Variants in SH2D6 observed in about 807,000 individuals in gnomAD.
SH2D6 encodes SH2 domain-containing protein 6.
In SH2D6, 31 loss-of-function variants were observed where a neutral mutation model predicts 30.2. The ratio of observed to expected loss-of-function variants is 1.03; its 90% CI spans 0.77 to 1.38. SH2D6 has a LOEUF of 1.38. SH2D6 is among the 40% of genes most tolerant of loss of function. SH2D6 has a pLI of 0.00. For missense variants in SH2D6, 240 were observed against 266.8 expected, an observed-to-expected ratio of 0.90 and a Z score of 0.70; for synonymous variants, 93 against 104.6, an observed-to-expected ratio of 0.89 and a Z score of 0.68.
chr2:85,425,779 C>T (rs1687992752), intron 6 of SH2D6, among the ~76,000 whole-genome samples: 2 of 152,084 alleles, frequency 1.3e-5, no homozygotes, highest in African/African-American at 2.4e-5. Flanking sequence ...TGATTTGGGC[C>T]CTGGGTGGTG....
At chr2:85,421,328 G>C (rs1687741826) in intron 2 of SH2D6, 1 of 152,284 alleles carries the variant, frequency 6.6e-6, no homozygotes. Flanking sequence ...CTGCGCTGGG[G>C]AAAAAGGTTT....
intron 5 of SH2D6, among the ~76,000 whole-genome samples, chr2:85,423,214 T>TTTTTGTTTTG (rs1169709330): frequency 6.7e-6 from 1 of 149,898 alleles, no homozygotes; most frequent in East Asian, 2.0e-4. Flanking sequence ...GTTGTTGTTG[T>TTTTTGTTTTG]TTTTGTTTTG....
intron 15 of SH2D6, 134 bp downstream of exon 15, chr2:85,433,255 C>G: frequency 1.6e-6 from 1 of 625,032 alleles, no homozygotes; most frequent in Non-Finnish European, 2.0e-6. Flanking sequence ...GGGCCCCTGC[C>G]CCTCAGCCAC....
Position 85,434,324 on chromosome 2 carries a change from G to A in SH2D6, c.534-16G>A, listed in dbSNP as rs148539986. ...ATAAAGACCCTGAGTTCTGTCCCCCGATTTGCTTCCCACAGGCCTACCACA... is the reference window on the plus strand; with the variant it reads ...ATAAAGACCCTGAGTTCTGTCCCCCAATTTGCTTCCCACAGGCCTACCACA... On this transcript the variant is annotated splice_polypyrimidine_tract_variant and intron_variant, in intron 17 of 23. Transcript: ENST00000469800. 7.5e-4 allele frequency: 1,158 copies of A among 1,541,908 alleles called. 2 individuals are homozygous for A. Among genetic ancestry groups the A allele is most frequent in the African/African-American group, 5.4e-3 (396 of 72,810 alleles).
rs747754782 is a variant in SH2D6 at position 85,435,685 on chromosome 2, G to A, written c.752G>A (p.Arg251His). 31 of 1,610,552 alleles carry A rather than the reference G, an allele frequency of 1.9e-5. No homozygotes were observed. Among genetic ancestry groups the A allele is most frequent in the Middle Eastern group, 1.7e-4 (1 of 6,014 alleles). ...HLQKDGAYTVRPSSGPHGSQP... is the reference protein window; with the variant it reads ...HLQKDGAYTVHPSSGPHGSQP... ...CCACAGGATGGGGCCTATACCGTGC[G>A]CCCCAGCTCAGGGCCTCATGGCTCC... Residue 251 changes from arginine to histidine, a missense_variant, in exon 22 of 24, where the codon CGC (arginine) becomes CAC (histidine). By Grantham distance (29) the Arg-to-His change is conservative (BLOSUM62 0). Transcript: ENST00000469800.
chr2:85,432,556 A>G (rs1171609841), intron 14 of SH2D6, among the ~76,000 whole-genome samples: 2 of 151,174 alleles, frequency 1.3e-5, no homozygotes, highest in Admixed American at 6.6e-5. Context: ...GCCCGCTACC[A>G]CGCCCGGCTA....
intron 2 of SH2D6, among the ~76,000 whole-genome samples, chr2:85,419,533 TG>T (rs1222761138): frequency 6.6e-6 from 1 of 152,236 alleles, no homozygotes; most frequent in Non-Finnish European, 1.5e-5. Context: ...TCTTCTCAGC[TG>T]ATTTCTGGCT....
chr2:85,423,819 G>T (rs1319920894), intron 5 of SH2D6, among the ~76,000 whole-genome samples: 1 of 152,238 alleles, frequency 6.6e-6, no homozygotes, highest in Non-Finnish European at 1.5e-5. Context: ...GCCCAGGACA[G>T]CCCCTTCCCT....
chr2:85,419,740 G>A (rs1687676395), intron 2 of SH2D6, among the ~76,000 whole-genome samples: 1 of 152,362 alleles, frequency 6.6e-6, no homozygotes, highest in African/African-American at 2.4e-5. Flanking sequence ...GACCTTGTAA[G>A]TCAGTGAGAT....
At position 85,435,972 on chromosome 2, in the gene SH2D6, C is replaced by G. The variant is rs1689410304; in HGVS notation, c.891+148C>G. The G allele has an allele frequency of 3.0e-5, 35 of 1,168,042 alleles. No homozygotes were observed. In the South Asian group the frequency reaches 5.5e-4, roughly 18 times the overall value. The allele number at this position is 1,168,042 out of a possible 1,614,324, so 72.4% of individuals were successfully genotyped here. ...CAGAGCCCAGAGCCCTGAACTCCTT[C>G]CAGACACCTGGCCCTCTGGTGGGGG... On this transcript the variant is annotated intron_variant, in intron 22 of 23. Coordinates refer to ENST00000469800, the MANE Select transcript of SH2D6 (RefSeq NM_001394463.1).
intron 19 of SH2D6, 196 bp downstream of exon 19, chr2:85,434,693 C>T (rs982340849): frequency 1.5e-6 from 2 of 1,367,444 alleles, no homozygotes; most frequent in Non-Finnish European, 1.9e-6. Context: ...GGGCCTGCCC[C>T]AGCCCCAGCC....
In SH2D6 at chr2:85,433,955, G is replaced by A. The variant is rs1388226343; in HGVS notation, c.455-78G>A. Reference sequence around the variant, plus strand: ...CAGAGAAGCAGCAGGCCCTGCAGCTGTTCTCAGCCCTGCCCTGGTCAGCAT... The same window carrying A: ...CAGAGAAGCAGCAGGCCCTGCAGCTATTCTCAGCCCTGCCCTGGTCAGCAT... On this transcript the variant is annotated intron_variant, in intron 16 of 23. Coordinates refer to ENST00000469800, the MANE Select transcript of SH2D6 (RefSeq NM_001394463.1). 7 of 1,262,768 alleles carry A rather than the reference G, an allele frequency of 5.5e-6. No individual in the cohort carries two copies. In the African/African-American group the frequency reaches 1.0e-4, roughly 19 times the overall value. The allele number at this position is 1,262,768 out of a possible 1,614,324, so 78.2% of individuals were successfully genotyped here. A position where few individuals can be genotyped will look rare whatever the true frequency, so the allele number is the denominator to read the frequency against.
chr2:85,425,969 T>C (rs1043803503), intron 6 of SH2D6, among the ~76,000 whole-genome samples: 1 of 152,156 alleles, frequency 6.6e-6, no homozygotes, highest in Non-Finnish European at 1.5e-5. Context: ...GCTTCTGCAA[T>C]TGGAAACGAG....
intron 17 of SH2D6, 24 bp downstream of exon 17, chr2:85,434,135 C>T: frequency 6.5e-7 from 1 of 1,548,650 alleles, no homozygotes. Flanking sequence ...CAGGTGTGCA[C>T]CTGTGTGTAT....
At chr2:85,426,039 C>T (rs1422296965) in intron 6 of SH2D6, among the ~76,000 whole-genome samples, 1 of 152,292 alleles carries the variant, frequency 6.6e-6, no homozygotes, top group Non-Finnish European at 1.5e-5. Flanking sequence ...AAAAGGATGG[C>T]AGATGTCCCC....
chr2:85,425,620 C>G (rs1687979410), intron 6 of SH2D6, among the ~76,000 whole-genome samples: 1 of 152,150 alleles, frequency 6.6e-6, no homozygotes, highest in South Asian at 2.1e-4. Flanking sequence ...CTAGTTTAAG[C>G]TGGAAAATAA....
intron 6 of SH2D6, among the ~76,000 whole-genome samples, chr2:85,427,810 G>A (rs1316102256): frequency 2.6e-5 from 4 of 152,124 alleles, no homozygotes; most frequent in Non-Finnish European, 5.9e-5. Context: ...TGGGCTCCCT[G>A]TGAAGCCACC....
chr2:85,424,451 T>C (rs1687890757), intron 5 of SH2D6, among the ~76,000 whole-genome samples: 1 of 152,172 alleles, frequency 6.6e-6, no homozygotes, highest in African/African-American at 2.4e-5. Context: ...TTTTTTTAAA[T>C]TATAAAAATA....
intron 2 of SH2D6, among the ~76,000 whole-genome samples, chr2:85,420,016 G>A (rs780174478): frequency 4.6e-5 from 7 of 152,160 alleles, no homozygotes; most frequent in Admixed American, 2.0e-4. Context: ...CCCCTAGAGA[G>A]GAGAGATAGG....
Sources: gnomAD v4.1 joint callset for allele counts (sites outside exome capture counted in the v4.1 genomes callset) on GRCh38, gnomAD v4.1.1 for gene constraint, MANE v1.5 for transcripts, NCBI Gene and HGNC (gene_info 2026-07-23, HGNC 2026-07-21) for gene names.